NLRX1: variants seen among roughly 807,000 people sequenced by gnomAD.
NLRX1 encodes the protein NOD-like receptor X1.
In NLRX1, 67 loss-of-function variants were observed where a neutral mutation model predicts 74.2. That is an observed-to-expected ratio of 0.90 (90% CI 0.74 to 1.11). NLRX1 has a LOEUF of 1.11. NLRX1 is among the 50% of genes least tolerant of loss of function. NLRX1 has a pLI of 0.00. For missense variants in NLRX1, 1,191 were observed against 1,305.4 expected, an observed-to-expected ratio of 0.91 and a Z score of 1.35; for synonymous variants, 506 against 559.1, an observed-to-expected ratio of 0.91 and a Z score of 1.34.
At chr11:119,172,869 A>C (rs374926465) in intron 3 of NLRX1, 32 bp from the exon 4 acceptor site, 70 of 1,532,762 alleles carry the variant, frequency 4.6e-5, no homozygotes, top group Non-Finnish European at 6.1e-5. Flanking sequence ...CCAAGTTACA[A>C]GTCCCAGCTC....
intron 9 of NLRX1, among the ~76,000 whole-genome samples, chr11:119,182,649 G>A (rs1948869269): frequency 6.6e-6 from 1 of 152,106 alleles, no homozygotes; most frequent in Non-Finnish European, 1.5e-5. Context: ...CACTTCGGGG[G>A]GCCAAGGCGG....
At chr11:119,171,256 G>T in intron 1 of NLRX1, 100 bp from the exon 2 acceptor site, 1 of 733,928 alleles carries the variant, frequency 1.4e-6, no homozygotes, top group South Asian at 2.1e-5. Flanking sequence ...AGGAAGGGCT[G>T]ATCCTCTCCT....
rs1473598462 is a variant in NLRX1 at position 119,183,852 on chromosome 11, C to T, written c.*413C>T. ...CGCCATCCAGATGTGTTGGAAGCTT[C>T]CCCTCCTGCCTTATGCTCACCTGTG... On this transcript the variant is annotated 3_prime_UTR_variant, in exon 10 of 10. Transcript: ENST00000409109. This position sits in a 1 kb window ranked among gnomAD's most constrained non-coding sequence, Gnocchi z 5.7. 6.4e-6 allele frequency: 5 copies of T among 780,856 alleles called. No individual in the cohort carries two copies. Among genetic ancestry groups the T allele is most frequent in the Non-Finnish European group, 1.2e-5 (5 of 417,946 alleles). 48.4% of individuals were successfully genotyped at this position (780,856 alleles called of 1,614,324 possible).
intron 6 of NLRX1, chr11:119,178,046 G>A (rs1416890559): frequency 6.6e-6 from 1 of 152,166 alleles, no homozygotes; most frequent in Non-Finnish European, 1.5e-5. Flanking sequence ...GGGCACACTT[G>A]TAGTCACAGC....
At chr11:119,182,608 C>T (rs779334850) in intron 9 of NLRX1, among the ~76,000 whole-genome samples, 5 of 152,116 alleles carry the variant, frequency 3.3e-5, no homozygotes, top group East Asian at 1.9e-4. Flanking sequence ...GTATCAGGGT[C>T]GGCTGTGGTG....
Position 119,174,038 on chromosome 11 carries a change from G to A in NLRX1, c.789G>A (p.Glu263=), listed in dbSNP as rs376743231. The change falls in exon 5 of 10, where the codon GAG becomes GAA. Residue 263 remains glutamate, a synonymous_variant. Coordinates refer to ENST00000409109, the MANE Select transcript of NLRX1 (RefSeq NM_001282144.2). ...GCACGGGACTTTGTAGTGACCCGGA[G>A]GAACCGCAGGAACCAGCTGCTATCA... is the stretch of plus-strand genomic sequence containing the variant. The part of the protein sequence containing the change: ...LAGTGLCSDP[E]EPQEPAAIIV... 10 of 1,614,040 alleles carry A rather than the reference G, an allele frequency of 6.2e-6. No individual in the cohort carries two copies. The African/African-American group carries it at 1.2e-4, about 19-fold the overall frequency.
Position 119,175,128 on chromosome 11 carries a change from G to C in NLRX1, c.1525G>C (p.Gly509Arg), listed in dbSNP as rs1489473191. Reference sequence around the variant, plus strand: ...CCTGGCTGCCCTCTACATTGTGCTGGGTTTGCGCAAGACGACCCTGCAAAA... The same window carrying C: ...CCTGGCTGCCCTCTACATTGTGCTGCGTTTGCGCAAGACGACCCTGCAAAA... ...EYLAALYIVL[G>R]LRKTTLQKVG... The change falls in exon 6 of 10, where the codon GGT becomes CGT. Residue 509 changes from glycine (G) to arginine (R), a missense_variant. Gly to Arg is a moderately radical substitution (Grantham distance 125). Transcript: ENST00000409109. 1 of 1,614,210 alleles carries C rather than the reference G, an allele frequency of 6.2e-7. No individual in the cohort carries two copies. The highest frequency in any genetic ancestry group is 8.5e-7 in the Non-Finnish European group (1 of 1,180,048).
In NLRX1 at chr11:119,174,621, G is replaced by A. The variant is rs1212625211; in HGVS notation, c.1018G>A (p.Val340Ile). The A allele has an allele frequency of 4.3e-6, 7 of 1,613,980 alleles. No individual in the cohort carries two copies. Among genetic ancestry groups the A allele is most frequent in the African/African-American group, 1.3e-5 (1 of 74,932 alleles). Residue 340 changes from valine (V) to isoleucine (I), a missense_variant, in exon 6 of 10, where the codon GTC becomes ATC. By Grantham distance (29) the Val-to-Ile change is conservative. Coordinates refer to ENST00000409109, the MANE Select transcript of NLRX1 (RefSeq NM_001282144.2). ...CGGGTATGCCGTTGGCGGTTCAGGT[G>A]TCTCTGCCACACCAGCTCAGCGTGA... ...YCGYAVGGSG[V>I]SATPAQRDHL...
chr11:119,177,176 G>T lies in NLRX1; in HGVS notation c.1671+1902G>T, dbSNP rs1055101543. Among the ~76,000 whole-genome samples the T allele has an allele frequency of 2.0e-5, 3 of 151,918 alleles. No homozygotes were observed. In the East Asian group the frequency reaches 5.9e-4, roughly 30 times the overall value. On this transcript the variant is annotated intron_variant, in intron 6 of 9. Coordinates refer to ENST00000409109, the MANE Select transcript of NLRX1 (RefSeq NM_001282144.2). ...TGCTCACTGCAACCTCCACCTCCCG[G>T]ATTTAAGTGATTCTCCCAGCTCAGC...
At chr11:119,170,426 C>T (rs983639284) in intron 1 of NLRX1, among the ~76,000 whole-genome samples, 2 of 151,914 alleles carry the variant, frequency 1.3e-5, no homozygotes, top group African/African-American at 4.8e-5. Context: ...TAATGTAAGG[C>T]GTGGGTGGGA....
intron 1 of NLRX1, among the ~76,000 whole-genome samples, chr11:119,170,509 A>C (rs1219857788): frequency 6.6e-6 from 1 of 152,224 alleles, no homozygotes; most frequent in South Asian, 2.1e-4. Flanking sequence ...AGTTTGAAGC[A>C]GTGGCAGGTT....
rs768009791 is a variant in NLRX1, at chr11:119,180,301, C to A, written c.2267+13C>A. 1.3e-6 allele frequency: 2 copies of A among 1,551,126 alleles called. No homozygotes were observed. Among genetic ancestry groups the A allele is most frequent in the African/African-American group, 2.7e-5 (2 of 73,718 alleles). ...CCCGGAAGCTGGGGTGAGGACCTAT[C>A]CTCATGCACAGGCATGAAGAGGGAA... On this transcript the variant is annotated intron_variant, in intron 7 of 9. Coordinates refer to ENST00000409109, the MANE Select transcript of NLRX1 (RefSeq NM_001282144.2).
At position 119,173,491 on chromosome 11, in the gene NLRX1, G is replaced by A. The variant is rs781055499; in HGVS notation, c.242G>A (p.Arg81Gln). 4.3e-6 allele frequency: 7 copies of A among 1,613,302 alleles called. No individual in the cohort carries two copies. The highest frequency in any genetic ancestry group is 5.1e-6 in the Non-Finnish European group (6 of 1,179,846). Residue 81 changes from arginine (R) to glutamine (Q), a missense_variant, in exon 5 of 10, where the codon CGG becomes CAG. Coordinates refer to ENST00000409109, the MANE Select transcript of NLRX1 (RefSeq NM_001282144.2). This position sits in a 1 kb window ranked among gnomAD's most constrained non-coding sequence, Gnocchi z 4.0. ...PSASATEAIQ[R>Q]HRRNLAEWFS... ...TCTTCCCACTCAGAAGCTATACAGCGGCACCGCCGGAACCTGGCTGAGTGG... is the reference window on the plus strand; with the variant it reads ...TCTTCCCACTCAGAAGCTATACAGCAGCACCGCCGGAACCTGGCTGAGTGG...
chr11:119,179,230 T>C (rs919265469), intron 6 of NLRX1, among the ~76,000 whole-genome samples: 2 of 152,160 alleles, frequency 1.3e-5, no homozygotes, highest in Admixed American at 6.6e-5. Context: ...ACCTCCTGGG[T>C]TTGAAAATGT....
Position 119,174,636 on chromosome 11 carries a change from G to A in NLRX1, c.1033G>A (p.Ala345Thr). 6.2e-7 allele frequency: 1 copy of A among 1,614,076 alleles called. No homozygotes were observed. The highest frequency in any genetic ancestry group is 1.1e-5 in the South Asian group (1 of 91,088). The part of the protein sequence containing the change: ...VGGSGVSATP[A>T]QRDHLVQMLS... Reference sequence around the variant, plus strand: ...CGGTTCAGGTGTCTCTGCCACACCAGCTCAGCGTGACCACCTGGTGCAGAT... The same window carrying A: ...CGGTTCAGGTGTCTCTGCCACACCAACTCAGCGTGACCACCTGGTGCAGAT... The change falls in exon 6 of 10, where the codon GCT becomes ACT. Residue 345 changes from alanine to threonine, a missense_variant. By Grantham distance (58) the Ala-to-Thr change is moderately conservative (BLOSUM62 0). Coordinates refer to ENST00000409109, the MANE Select transcript of NLRX1 (RefSeq NM_001282144.2).
Position 119,173,752 on chromosome 11 carries a change from T to C in NLRX1, c.503T>C (p.Val168Ala). The C allele has an allele frequency of 1.9e-6, 3 of 1,613,748 alleles. No individual in the cohort carries two copies. Among genetic ancestry groups the C allele is most frequent in the South Asian group, 1.1e-5 (1 of 91,080 alleles). ...RVQTVVLYGT[V>A]GTGKSTLVRK... is the part of the protein sequence containing the mutation. ...CAGACAGTGGTGCTGTATGGGACAG[T>C]GGGCACAGGCAAGAGCACGCTGGTG... Residue 168 changes from valine to alanine, a missense_variant, in exon 5 of 10, where the codon GTG becomes GCG. Physicochemically the swap from Val to Ala is moderately conservative, Grantham distance 64 (BLOSUM62 0). Coordinates refer to ENST00000409109, the MANE Select transcript of NLRX1 (RefSeq NM_001282144.2). This position sits in a 1 kb window ranked among gnomAD's most constrained non-coding sequence, Gnocchi z 4.0.
chr11:119,183,322 G>A lies in NLRX1; in HGVS notation c.2811G>A (p.Leu937=), dbSNP rs1230011444. Residue 937 remains leucine, a synonymous_variant, in exon 10 of 10, where the codon CTG becomes CTA. Coordinates refer to ENST00000409109, the MANE Select transcript of NLRX1 (RefSeq NM_001282144.2). This position sits in a 1 kb window ranked among gnomAD's most constrained non-coding sequence, Gnocchi z 5.7. ...TTCAGCGACACCTTGAGCTCCTACTGCGGGATCTGGAAGATAGCCGGGGTG... is the reference window on the plus strand; with the variant it reads ...TTCAGCGACACCTTGAGCTCCTACTACGGGATCTGGAAGATAGCCGGGGTG... ...ARVQRHLELL[L]RDLEDSRGAT... 1 of 1,614,240 alleles carries A rather than the reference G, an allele frequency of 6.2e-7. No homozygotes were observed. Among genetic ancestry groups the A allele is most frequent in the Non-Finnish European group, 8.5e-7 (1 of 1,180,044 alleles).
Position 119,173,686 on chromosome 11 carries a change from T to C in NLRX1, c.437T>C (p.Leu146Ser), listed in dbSNP as rs1409003511. 1 of 1,613,972 alleles carries C rather than the reference T, an allele frequency of 6.2e-7. No homozygotes were observed. Among genetic ancestry groups the C allele is most frequent in the African/African-American group, 1.3e-5 (1 of 74,944 alleles). Residue 146 changes from leucine to serine, a missense_variant, in exon 5 of 10, where the codon TTG becomes TCG. Leu to Ser is a moderately radical substitution (Grantham distance 145). Coordinates refer to ENST00000409109, the MANE Select transcript of NLRX1 (RefSeq NM_001282144.2). This position sits in a 1 kb window ranked among gnomAD's most constrained non-coding sequence, Gnocchi z 4.0. ...PPQAGLPPLALSQLFNPDACG... is the reference protein window; with the variant it reads ...PPQAGLPPLASSQLFNPDACG... ...CAGGCCGGGCTCCCCCCACTGGCCT[T>C]GTCTCAGCTCTTTAACCCGGATGCC...
At position 119,183,591 on chromosome 11, in the gene NLRX1, A is replaced by AAC; in HGVS notation, c.*152_*153insAC. 6 of 777,712 alleles carry AAC rather than the reference A, an allele frequency of 7.7e-6. No individual in the cohort carries two copies. The highest frequency in any genetic ancestry group is 1.3e-5 in the Non-Finnish European group (6 of 453,522). The allele number at this position is 777,712 out of a possible 1,614,324, so 48.2% of individuals were successfully genotyped here. A position where few individuals can be genotyped will look rare whatever the true frequency, so the allele number is the denominator to read the frequency against. On this transcript the variant is annotated 3_prime_UTR_variant, in exon 10 of 10. Coordinates refer to ENST00000409109, the MANE Select transcript of NLRX1 (RefSeq NM_001282144.2). The surrounding 1 kb of genome is among the most constrained non-coding windows in gnomAD (Gnocchi z 5.7). ...GCTGAGCCAGTTGCCCTCCTAGGGCATGTTTGACCAGGACTGAGTCTGGAA... is the reference window on the plus strand; with the variant it reads ...GCTGAGCCAGTTGCCCTCCTAGGGCAACTGTTTGACCAGGACTGAGTCTGGAA...
Sources: gnomAD v4.1 joint callset for allele counts (sites outside exome capture counted in the v4.1 genomes callset) on GRCh38, gnomAD v4.1.1 for gene constraint, Gnocchi (gnomAD v3.1) non-coding constraint, MANE v1.5 for transcripts, NCBI Gene and HGNC (gene_info 2026-07-23, HGNC 2026-07-21) for gene names.